SPECC1: variants seen among roughly 807,000 people sequenced by gnomAD.
SPECC1 encodes cytospin-B.
Under a neutral mutation model 104.1 loss-of-function variants are expected in SPECC1, and 62 were observed. That is an observed-to-expected ratio of 0.60 (90% CI 0.49 to 0.74). The LOEUF (loss-of-function observed/expected upper bound fraction) is 0.74. Among genes scored for constraint, SPECC1 ranks in the 30% least tolerant of loss-of-function variants. SPECC1 has a pLI of 0.00. For synonymous variants in SPECC1, 513 were observed against 501.6 expected (o/e 1.02, Z -0.30); for missense variants, 1,306 against 1,310.5 (o/e 1.00, Z 0.05).
At chr17:20,227,798 C>G (rs1204714343) in intron 5 of SPECC1, among the ~76,000 whole-genome samples, 178 bp downstream of exon 5, 1 of 151,996 alleles carries the variant, frequency 6.6e-6, no homozygotes, top group East Asian at 1.9e-4. Flanking sequence ...GCCTGTAATC[C>G]CAGCTACTCA....
intron 3 of SPECC1, among the ~76,000 whole-genome samples, chr17:20,147,418 C>G (rs1027921045): frequency 1.3e-5 from 2 of 152,058 alleles, no homozygotes; most frequent in Non-Finnish European, 2.9e-5. Context: ...AATTTGAACT[C>G]TGGCTATTTG....
At chr17:20,292,383 T>G (rs551429049) in intron 12 of SPECC1, among the ~76,000 whole-genome samples, 2 of 151,850 alleles carry the variant, frequency 1.3e-5, no homozygotes, top group African/African-American at 4.8e-5. Context: ...CCAGCTGGAG[T>G]GCAGTGGCGC....
chr17:20,104,331 G>A (rs2048084836), intron 2 of SPECC1, among the ~76,000 whole-genome samples: 1 of 152,172 alleles, frequency 6.6e-6, no homozygotes, highest in South Asian at 2.1e-4. Flanking sequence ...TTTGTGCTCT[G>A]AGTACATGTG....
intron 1 of SPECC1, among the ~76,000 whole-genome samples, chr17:20,065,398 T>TCC (rs1343445853): frequency 7.1e-6 from 1 of 140,726 alleles, no homozygotes; most frequent in Non-Finnish European, 1.6e-5. Flanking sequence ...ATGACTCCTC[T>TCC]GGGTTCAACT....
At chr17:20,072,355 G>T (rs914576223) in intron 1 of SPECC1, among the ~76,000 whole-genome samples, 1 of 152,216 alleles carries the variant, frequency 6.6e-6, no homozygotes, top group African/African-American at 2.4e-5. Context: ...ATTGAGTTAG[G>T]TGTCTGTCAT....
chr17:20,183,285 CTT>C (rs1567911791), intron 3 of SPECC1, among the ~76,000 whole-genome samples: 1 of 152,164 alleles, frequency 6.6e-6, no homozygotes, highest in Non-Finnish European at 1.5e-5. Context: ...TGATTGCAAT[CTT>C]TTTTATAAAG....
intron 3 of SPECC1, among the ~76,000 whole-genome samples, chr17:20,119,881 G>A (rs1347688721): frequency 6.6e-6 from 1 of 152,212 alleles, no homozygotes; most frequent in Non-Finnish European, 1.5e-5. Context: ...AATCCCAAAT[G>A]CTTCAAAATC....
chr17:20,233,490 T>C (rs912945362), intron 7 of SPECC1, among the ~76,000 whole-genome samples: 5 of 152,248 alleles, frequency 3.3e-5, no homozygotes, highest in Admixed American at 2.0e-4. Flanking sequence ...CAGATATAGC[T>C]AGCTCCACAA....
At chr17:20,059,909 C>A (rs2046120821) in intron 1 of SPECC1, among the ~76,000 whole-genome samples, 1 of 152,144 alleles carries the variant, frequency 6.6e-6, no homozygotes, top group South Asian at 2.1e-4. Flanking sequence ...AGTGCTGATT[C>A]ATACCTTGCA....
At chr17:20,026,825 G>A (rs913100213) in intron 1 of SPECC1, among the ~76,000 whole-genome samples, 8 of 152,104 alleles carry the variant, frequency 5.3e-5, no homozygotes, top group Non-Finnish European at 8.8e-5. Context: ...GGATCATATG[G>A]TAGTTCTATT....
chr17:20,102,673 G>T (rs550526802), intron 2 of SPECC1, among the ~76,000 whole-genome samples: 7 of 152,270 alleles, frequency 4.6e-5, no homozygotes, highest in African/African-American at 1.4e-4. Context: ...TGGATTTACC[G>T]AAGAAGAGCC....
intron 4 of SPECC1, among the ~76,000 whole-genome samples, chr17:20,209,017 C>T (rs1255682942): frequency 2.0e-5 from 3 of 152,094 alleles, no homozygotes; most frequent in East Asian, 1.9e-4. Context: ...CAGCTAATGA[C>T]GTGATCTGAT....
At chr17:20,246,645 A>G (rs979540805) in intron 8 of SPECC1, among the ~76,000 whole-genome samples, 1 of 152,202 alleles carries the variant, frequency 6.6e-6, no homozygotes, top group Admixed American at 6.5e-5. Flanking sequence ...TTATCTTCCT[A>G]TATGAGAAAG....
intron 12 of SPECC1, among the ~76,000 whole-genome samples, chr17:20,261,877 A>T (rs1047131996): frequency 2.0e-5 from 3 of 152,220 alleles, no homozygotes; most frequent in Non-Finnish European, 2.9e-5. Context: ...CACCACTCCC[A>T]TCCAGAAGAG....
intron 7 of SPECC1, among the ~76,000 whole-genome samples, chr17:20,243,734 C>T (rs928694770): frequency 3.3e-5 from 5 of 152,094 alleles, no homozygotes; most frequent in East Asian, 3.8e-4. Context: ...TTCTTGTGGC[C>T]TTGCTTTTTA....
chr17:20,205,206 G>T lies in SPECC1; in HGVS notation c.1157G>T (p.Ser386Ile). 1 of 1,614,114 alleles carries T rather than the reference G, an allele frequency of 6.2e-7. No homozygotes were observed. Among genetic ancestry groups the T allele is most frequent in the Non-Finnish European group, 8.5e-7 (1 of 1,180,038 alleles). ...KIQKMEENHH[S>I]TAEELQATLQ... ...CAAAAGATGGAAGAAAACCACCATA[G>T]CACTGCAGAAGAACTACAGGCTACT... Residue 386 changes from serine to isoleucine, a missense_variant, in exon 4 of 15, where the codon AGC becomes ATC. Physicochemically the swap from Ser to Ile is moderately radical, Grantham distance 142 (BLOSUM62 -2). This residue lies in a region of SPECC1 where 1,177 missense variants were observed against 1,139.9 expected (regional missense o/e 1.03). Transcript: ENST00000395527.
intron 7 of SPECC1, among the ~76,000 whole-genome samples, chr17:20,235,835 T>C (rs922434203): frequency 6.6e-6 from 1 of 151,846 alleles, no homozygotes; most frequent in African/African-American, 2.4e-5. Flanking sequence ...TTCGAATGTG[T>C]TTCATTTTGC....
intron 2 of SPECC1, among the ~76,000 whole-genome samples, chr17:20,098,561 C>G (rs2047764678): frequency 6.6e-6 from 1 of 152,246 alleles, no homozygotes; most frequent in African/African-American, 2.4e-5. Context: ...CCCTGCCTCT[C>G]AGGTGTGGTC....
At chr17:20,034,571 C>A (rs1429508930) in intron 1 of SPECC1, among the ~76,000 whole-genome samples, 1 of 151,286 alleles carries the variant, frequency 6.6e-6, no homozygotes, top group Non-Finnish European at 1.5e-5. Flanking sequence ...GAATTCTTTA[C>A]CTCGCCTTAC....
Sources: allele counts gnomAD v4.1 joint callset (sites outside exome capture counted in the v4.1 genomes callset), GRCh38; gene constraint gnomAD v4.1.1; regional missense constraint gnomAD v4.1.1; transcripts MANE v1.5; gene names NCBI Gene and HGNC (gene_info 2026-07-23, HGNC 2026-07-21).